CLMP: variants seen among roughly 807,000 people sequenced by gnomAD.
CLMP encodes CXADR-like membrane protein.
Under a neutral mutation model 45.2 loss-of-function variants are expected in CLMP, and 27 were observed. The observed-to-expected ratio is 0.60, with a 90% CI of 0.44 to 0.82. The LOEUF (loss-of-function observed/expected upper bound fraction) is 0.82, where lower values mean the gene tolerates loss of function less well. CLMP is among the 40% of genes least tolerant of loss of function. The probability of loss-of-function intolerance (pLI) is 0.00; values close to 1 mark genes in which losing one functional copy is unlikely to be tolerated. For synonymous variants in CLMP, 167 were observed against 171.4 expected (o/e 0.97, Z 0.20); for missense variants, 403 against 448.4 (o/e 0.90, Z 0.91).
At chr11:123,118,969 CTT>C (rs1565387772) in intron 1 of CLMP, among the ~76,000 whole-genome samples, 10 of 44,358 alleles carry the variant, frequency 2.3e-4, no homozygotes, top group African/African-American at 8.6e-4. Context: ...TTCTTTCTTT[CTT>C]TCTTTCTTTC....
chr11:123,102,275 C>T (rs1860454679), intron 1 of CLMP, among the ~76,000 whole-genome samples: 1 of 146,748 alleles, frequency 6.8e-6, no homozygotes, highest in Non-Finnish European at 1.5e-5. Flanking sequence ...AGCTATCTTT[C>T]CAGGTTTTTT....
intron 1 of CLMP, among the ~76,000 whole-genome samples, chr11:123,180,822 A>C (rs2135547572): frequency 6.6e-6 from 1 of 152,280 alleles, no homozygotes; most frequent in South Asian, 2.1e-4. Context: ...AAACAAGCGC[A>C]AAGACTCTGA....
At chr11:123,163,447 C>A (rs1312122036) in intron 1 of CLMP, among the ~76,000 whole-genome samples, 5 of 152,154 alleles carry the variant, frequency 3.3e-5, no homozygotes, top group African/African-American at 1.2e-4. Flanking sequence ...ATGGCCTGAG[C>A]TGGAGATAGC....
intron 1 of CLMP, among the ~76,000 whole-genome samples, chr11:123,171,856 C>G (rs1861639027): frequency 6.6e-6 from 1 of 152,124 alleles, no homozygotes; most frequent in Non-Finnish European, 1.5e-5. Flanking sequence ...GTTATACATA[C>G]TTGTTATACA....
chr11:123,184,287 G>T (rs1315886141), intron 1 of CLMP, among the ~76,000 whole-genome samples: 2 of 152,004 alleles, frequency 1.3e-5, no homozygotes, highest in Admixed American at 6.6e-5. Flanking sequence ...TAGAGATGGG[G>T]TTTCACCATG....
intron 1 of CLMP, among the ~76,000 whole-genome samples, chr11:123,098,350 C>T (rs1021680552): frequency 7.9e-5 from 12 of 151,924 alleles, no homozygotes; most frequent in Non-Finnish European, 4.4e-5. Context: ...GCCTTAGCCT[C>T]GTGAGTAGCT....
chr11:123,098,600 A>G (rs543891981), intron 1 of CLMP, among the ~76,000 whole-genome samples: 3 of 151,884 alleles, frequency 2.0e-5, no homozygotes, highest in African/African-American at 7.2e-5. Context: ...CAGTGGTGCA[A>G]TCATGGCTCA....
At chr11:123,112,082 A>G (rs994760655) in intron 1 of CLMP, among the ~76,000 whole-genome samples, 3 of 152,184 alleles carry the variant, frequency 2.0e-5, no homozygotes, top group African/African-American at 4.8e-5. Flanking sequence ...TGGCCTCTAG[A>G]TAGTTAATAA....
chr11:123,179,432 A>C (rs550109522), intron 1 of CLMP, among the ~76,000 whole-genome samples: 1 of 152,344 alleles, frequency 6.6e-6, no homozygotes, highest in South Asian at 2.1e-4. Flanking sequence ...AGCCTGGGGA[A>C]GGGTGGAGTC....
intron 5 of CLMP, among the ~76,000 whole-genome samples, chr11:123,081,445 C>T (rs1193976462): frequency 3.3e-5 from 5 of 150,894 alleles, no homozygotes. Context: ...AGGATTTGGT[C>T]AAAAGTCTGA....
At chr11:123,169,072 C>G (rs940742966) in intron 1 of CLMP, among the ~76,000 whole-genome samples, 1 of 152,176 alleles carries the variant, frequency 6.6e-6, no homozygotes, top group Non-Finnish European at 1.5e-5. Flanking sequence ...TATTTTTGCA[C>G]TCTGAAAATG....
chr11:123,122,915 A>G (rs1302873554), intron 1 of CLMP, among the ~76,000 whole-genome samples: 1 of 152,140 alleles, frequency 6.6e-6, no homozygotes, highest in Non-Finnish European at 1.5e-5. Flanking sequence ...TTTCGGAACA[A>G]ATTAAAGAAG....
chr11:123,185,133 G>T (rs1196555930), intron 1 of CLMP, among the ~76,000 whole-genome samples: 1 of 152,122 alleles, frequency 6.6e-6, no homozygotes, highest in Non-Finnish European at 1.5e-5. Flanking sequence ...CAGCGTGGAG[G>T]TCTTCAAGAA....
chr11:123,125,628 G>C (rs145921000), intron 1 of CLMP, among the ~76,000 whole-genome samples: 15,551 of 143,712 alleles, frequency 0.11, 1,458 homozygotes, highest in African/African-American at 0.26. Context: ...TTTTGAGACA[G>C]AGTCTTGCTC....
At chr11:123,128,521 G>A (rs977952128) in intron 1 of CLMP, among the ~76,000 whole-genome samples, 4 of 152,234 alleles carry the variant, frequency 2.6e-5, no homozygotes, top group Non-Finnish European at 4.4e-5. Context: ...GTAGCCAGAT[G>A]TGGTGGCACA....
rs539126213 is a variant in CLMP, at chr11:123,094,754, T to G, written c.186+3041A>C. Among the ~76,000 whole-genome samples, 3 of 152,214 alleles carry G rather than the reference T, an allele frequency of 2.0e-5. No individual in the cohort carries two copies. In the East Asian group the frequency reaches 5.8e-4, roughly 29 times the overall value. On this transcript the variant is annotated intron_variant, in intron 2 of 6. Transcript: ENST00000448775. ...ACAGATTTGCACCTGGCATATTTATTGGTTTCTTTGTTCCTACCTTTCTAA... is the reference window on the plus strand; with the variant it reads ...ACAGATTTGCACCTGGCATATTTATGGGTTTCTTTGTTCCTACCTTTCTAA...
chr11:123,090,441 CTG>C (rs917825902), intron 2 of CLMP, among the ~76,000 whole-genome samples: 20 of 151,880 alleles, frequency 1.3e-4, no homozygotes, highest in African/African-American at 4.8e-4. Context: ...AGAAAAAACA[CTG>C]TGCCAGGCCG....
chr11:123,132,237 T>C (rs545527442), intron 1 of CLMP, among the ~76,000 whole-genome samples: 1 of 152,280 alleles, frequency 6.6e-6, no homozygotes, highest in East Asian at 1.9e-4. Flanking sequence ...TTCAGTCCCA[T>C]GCCAGGGCAC....
chr11:123,124,524 G>A lies in CLMP; in HGVS notation c.29-26572C>T, dbSNP rs568153251. ...GACTATCTGGCAGCAGAGACTAGAAGGGCCAAATCCTACTTCTCTGGATTT... is the reference window on the plus strand; with the variant it reads ...GACTATCTGGCAGCAGAGACTAGAAAGGCCAAATCCTACTTCTCTGGATTT... On this transcript the variant is annotated intron_variant, in intron 1 of 6. Coordinates refer to ENST00000448775, the MANE Select transcript of CLMP (RefSeq NM_024769.5). 9.8e-5 allele frequency among the ~76,000 whole-genome samples: 15 copies of A among 152,310 alleles called. No individual in the cohort carries two copies. In the South Asian group the frequency reaches 1.7e-3, roughly 17 times the overall value.
Sources: gnomAD v4.1 joint callset for allele counts (sites outside exome capture counted in the v4.1 genomes callset) on GRCh38, gnomAD v4.1.1 for gene constraint, MANE v1.5 for transcripts, NCBI Gene and HGNC (gene_info 2026-07-23, HGNC 2026-07-21) for gene names.